The following DGKI variants were observed in gnomAD, a reference collection of about 807,000 sequenced individuals.
The protein encoded by DGKI is DAG kinase iota.
DGKI carries 55 observed loss-of-function variants against 147.5 expected under a neutral mutation model. The observed-to-expected ratio is 0.37, with a 90% CI of 0.30 to 0.47. The LOEUF (loss-of-function observed/expected upper bound fraction) is 0.47. Among genes scored for constraint, DGKI ranks in the 20% least tolerant of loss-of-function variants. The probability of loss-of-function intolerance (pLI) is 1.00; values close to 1 mark genes in which losing one functional copy is unlikely to be tolerated. For synonymous variants in DGKI, 469 were observed against 477.1 expected (o/e 0.98, Z 0.22); for missense variants, 1,007 against 1,323.8 (o/e 0.76, Z 3.71).
chr7:137,784,231 C>T (rs181521472), intron 1 of DGKI, among the ~76,000 whole-genome samples: 5 of 152,082 alleles, frequency 3.3e-5, no homozygotes, highest in African/African-American at 1.2e-4. Flanking sequence ...AGGAAACTCA[C>T]CTGACACATA....
intron 1 of DGKI, among the ~76,000 whole-genome samples, chr7:137,720,785 TG>T: frequency 6.6e-6 from 1 of 152,210 alleles, no homozygotes; most frequent in East Asian, 1.9e-4. Context: ...TAATTGTCAC[TG>T]CATTATCAAG....
intron 1 of DGKI, among the ~76,000 whole-genome samples, chr7:137,818,824 A>G (rs781648508): frequency 8.5e-5 from 13 of 152,244 alleles, no homozygotes; most frequent in Non-Finnish European, 1.9e-4. Flanking sequence ...AAAACTCAGC[A>G]TAAGTGTATT....
intron 14 of DGKI, among the ~76,000 whole-genome samples, chr7:137,584,150 TG>T (rs1343184957): frequency 6.6e-6 from 1 of 152,178 alleles, no homozygotes; most frequent in African/African-American, 2.4e-5. Context: ...CCTCAATAAA[TG>T]GCATGGTTCA....
At chr7:137,703,176 G>A (rs1177266221) in intron 1 of DGKI, among the ~76,000 whole-genome samples, 1 of 152,188 alleles carries the variant, frequency 6.6e-6, no homozygotes, top group Non-Finnish European at 1.5e-5. Flanking sequence ...CGGCGGAAGG[G>A]AAAACAAGCA....
intron 3 of DGKI, among the ~76,000 whole-genome samples, chr7:137,659,846 C>T (rs897230440): frequency 2.3e-4 from 35 of 152,052 alleles, no homozygotes; most frequent in African/African-American, 6.5e-4. Context: ...GGCAGGAGAA[C>T]GGCGTGAACC....
intron 19 of DGKI, among the ~76,000 whole-genome samples, chr7:137,557,500 T>A (rs1232626048): frequency 6.6e-6 from 1 of 152,232 alleles, no homozygotes; most frequent in Non-Finnish European, 1.5e-5. Context: ...AGGCTGGGAA[T>A]ATTTCCCACT....
chr7:137,809,714 G>C (rs2116994411), intron 1 of DGKI, among the ~76,000 whole-genome samples: 1 of 152,142 alleles, frequency 6.6e-6, no homozygotes, highest in Non-Finnish European at 1.5e-5. Context: ...GACCAGCCTG[G>C]GCAACATGGC....
At position 137,585,513 on chromosome 7, in the gene DGKI, ATAAG is replaced by A. The variant is rs1442567591; in HGVS notation, c.1426-171_1426-168del. ...GGTACTTAGAATTTGAGACAATACT[ATAAG>A]TAAGATACATAGAAACACTAGTTCT... On this transcript the variant is annotated intron_variant, in intron 13 of 32. Transcript: ENST00000614521. Among the ~76,000 whole-genome samples, 11 of 152,254 alleles carry A rather than the reference ATAAG, an allele frequency of 7.2e-5. No homozygotes were observed. In the East Asian group the frequency reaches 1.9e-3, roughly 27 times the overall value.
At position 137,710,197 on chromosome 7, in the gene DGKI, G is replaced by T. The variant is rs565547834; in HGVS notation, c.402-20195C>A. On this transcript the variant is annotated intron_variant, in intron 1 of 32. Transcript: ENST00000614521. The stretch of plus-strand genomic sequence containing the variant: ...ATGGAAGACTCAATATTTTGAAGAT[G>T]TCAATTCTCCCTGAATGATTTATGG... 4.6e-5 allele frequency among the ~76,000 whole-genome samples: 7 copies of T among 152,186 alleles called. No homozygotes were observed. The East Asian group carries it at 1.4e-3, about 29-fold the overall frequency.
chr7:137,450,412 A>G (rs1435682725), intron 27 of DGKI, among the ~76,000 whole-genome samples: 1 of 152,220 alleles, frequency 6.6e-6, no homozygotes, highest in Non-Finnish European at 1.5e-5. Context: ...CAATTTTAAA[A>G]TTATTTTTAA....
intron 5 of DGKI, among the ~76,000 whole-genome samples, chr7:137,646,903 T>C (rs2129008956): frequency 6.6e-6 from 1 of 152,138 alleles, no homozygotes; most frequent in African/African-American, 2.4e-5. Flanking sequence ...AATACTGAAA[T>C]GCCACCTCTA....
chr7:137,696,982 C>T (rs1229416798), intron 1 of DGKI, among the ~76,000 whole-genome samples: 1 of 152,134 alleles, frequency 6.6e-6, no homozygotes, highest in Non-Finnish European at 1.5e-5. Context: ...GGTGATGGTT[C>T]TATGAGCCAA....
intron 19 of DGKI, 39 bp from the exon 20 acceptor site, chr7:137,552,607 T>A: frequency 1.2e-6 from 2 of 1,605,960 alleles, no homozygotes; most frequent in Non-Finnish European, 1.7e-6. Context: ...AGGAGTTAGT[T>A]ATTATTTAAG....
intron 22 of DGKI, among the ~76,000 whole-genome samples, chr7:137,486,969 C>T (rs1815586294): frequency 1.3e-5 from 2 of 152,092 alleles, no homozygotes; most frequent in Non-Finnish European, 1.5e-5. Flanking sequence ...GGAATGGAGA[C>T]GGTTAAGACT....
chr7:137,743,982 CAAAAAAGAAA>C (rs1795253238), intron 1 of DGKI, among the ~76,000 whole-genome samples: 1 of 58,810 alleles, frequency 1.7e-5, no homozygotes, highest in African/African-American at 1.2e-4. Flanking sequence ...GACTCCATCT[CAAAAAAGAAA>C]AAAAAAAAAA....
chr7:137,430,662 GT>G (rs528104493), intron 28 of DGKI, among the ~76,000 whole-genome samples: 3 of 152,078 alleles, frequency 2.0e-5, no homozygotes, highest in Non-Finnish European at 4.4e-5. Context: ...AAGAAATAGA[GT>G]GATGTAGAGA....
At chr7:137,788,150 T>C (rs896534702) in intron 1 of DGKI, among the ~76,000 whole-genome samples, 1 of 152,184 alleles carries the variant, frequency 6.6e-6, no homozygotes, top group Non-Finnish European at 1.5e-5. Flanking sequence ...GATACGATAA[T>C]GTGTAATTTC....
intron 30 of DGKI, among the ~76,000 whole-genome samples, chr7:137,397,615 G>C (rs554446548): frequency 1.3e-5 from 2 of 152,220 alleles, no homozygotes; most frequent in South Asian, 4.2e-4. Flanking sequence ...TGTACAGAAT[G>C]GTAGATAAAA....
intron 5 of DGKI, among the ~76,000 whole-genome samples, chr7:137,646,010 T>G (rs954418590): frequency 1.3e-5 from 2 of 152,082 alleles, no homozygotes; most frequent in Admixed American, 1.3e-4. Context: ...GTCTTAATAG[T>G]CAAACACTCT....
Sources: allele counts gnomAD v4.1 joint callset (sites outside exome capture counted in the v4.1 genomes callset), GRCh38; gene constraint gnomAD v4.1.1; transcripts MANE v1.5; gene names NCBI Gene and HGNC (gene_info 2026-07-23, HGNC 2026-07-21).